Variants in DNMBP observed in about 807,000 individuals in gnomAD.
DNMBP encodes the protein dynamin-binding protein.
In DNMBP, 87 loss-of-function variants were observed where a neutral mutation model predicts 150.0. The observed-to-expected ratio is 0.58, with a 90% CI of 0.49 to 0.69. The LOEUF is 0.69. DNMBP is among the 30% of genes least tolerant of loss of function. The pLI, the probability that DNMBP is intolerant of heterozygous loss-of-function variation, is 0.00. For missense variants in DNMBP, 1,774 were observed against 1,949.0 expected (o/e 0.91, Z 1.69); for synonymous variants, 711 against 750.4 (o/e 0.95, Z 0.86).
In DNMBP at chr10:100,002,986, C is replaced by G. The variant is rs1007065635; in HGVS notation, c.-11+6852G>C. 8.5e-5 allele frequency among the ~76,000 whole-genome samples: 13 copies of G among 152,262 alleles called. No individual in the cohort carries two copies. In the South Asian group the frequency reaches 2.5e-3, roughly 29 times the overall value. The stretch of plus-strand genomic sequence containing the variant: ...AAGACAAAGATGCCCGTTAGTGTAG[C>G]AGCTGTTTTGACACAGTTCTAGTAG... On this transcript the variant is annotated intron_variant, in intron 1 of 16. Transcript: ENST00000324109.
At chr10:99,979,200 G>GT (rs2040759787) in intron 1 of DNMBP, among the ~76,000 whole-genome samples, 1 of 152,088 alleles carries the variant, frequency 6.6e-6, no homozygotes, top group Admixed American at 6.6e-5. Context: ...AACATTCTAG[G>GT]TATTTATTCT....
intron 1 of DNMBP, among the ~76,000 whole-genome samples, chr10:99,993,672 T>G (rs2040921635): frequency 6.6e-6 from 1 of 152,218 alleles, no homozygotes; most frequent in East Asian, 1.9e-4. Flanking sequence ...CATGCTGGTG[T>G]GCACCTGTAG....
chr10:99,922,661 G>A (rs1308210017), intron 4 of DNMBP, among the ~76,000 whole-genome samples: 1 of 151,860 alleles, frequency 6.6e-6, no homozygotes, highest in Non-Finnish European at 1.5e-5. Flanking sequence ...GGGACCACAG[G>A]CACGCACCAC....
At chr10:99,914,424 T>G (rs575416710) in intron 4 of DNMBP, among the ~76,000 whole-genome samples, 45 of 152,286 alleles carry the variant, frequency 3.0e-4, no homozygotes, top group African/African-American at 1.0e-3. Flanking sequence ...GAGGCAAAAC[T>G]GTGAAGTGGG....
intron 6 of DNMBP, among the ~76,000 whole-genome samples, chr10:99,905,592 T>C (rs1564726644): frequency 6.6e-6 from 1 of 151,812 alleles, no homozygotes; most frequent in Non-Finnish European, 1.5e-5. Context: ...GAGGCTGAGG[T>C]GGGAGGATCA....
chr10:99,902,408 C>T (rs1006304121), intron 6 of DNMBP, among the ~76,000 whole-genome samples: 6 of 137,910 alleles, frequency 4.4e-5, no homozygotes, highest in Admixed American at 8.2e-5. Context: ...CTCCTGAGTT[C>T]AAGTGATTCT....
intron 4 of DNMBP, among the ~76,000 whole-genome samples, chr10:99,920,223 G>A (rs777684310): frequency 1.2e-4 from 18 of 151,820 alleles, no homozygotes; most frequent in East Asian, 1.9e-4. Context: ...TTACAGGCAC[G>A]CGCCACCACG....
At position 99,913,960 on chromosome 10, in the gene DNMBP, G is replaced by T. The variant is rs774482017; in HGVS notation, c.2261-4814C>A. 26 of 1,432,332 alleles carry T rather than the reference G, an allele frequency of 1.8e-5. No homozygotes were observed. In the African/African-American group the frequency reaches 3.4e-4, roughly 19 times the overall value. The allele number at this position is 1,432,332 out of a possible 1,614,324, so 88.7% of individuals were successfully genotyped here. On this transcript the variant is annotated intron_variant, in intron 4 of 16. Transcript: ENST00000324109. The stretch of plus-strand genomic sequence containing the variant: ...CCACACCCCAGGACCTACCTGCAGT[G>T]CCCAGAGCTGGCTGTGTGTGGAGGT...
At chr10:99,975,955 T>C (rs1479374737) in intron 1 of DNMBP, among the ~76,000 whole-genome samples, 1 of 152,196 alleles carries the variant, frequency 6.6e-6, no homozygotes, top group African/African-American at 2.4e-5. Context: ...GACCCTATCA[T>C]ATGTTATTGG....
chr10:99,943,412 T>TTTG (rs1564740747), intron 4 of DNMBP, among the ~76,000 whole-genome samples: 1 of 147,978 alleles, frequency 6.8e-6, no homozygotes, highest in East Asian at 2.0e-4. Flanking sequence ...TTGTTTGTTT[T>TTTG]TTTGAGACAG....
chr10:99,915,108 A>AAAAAAAAAAAAAT (rs10654940), intron 4 of DNMBP, among the ~76,000 whole-genome samples: 2 of 99,804 alleles, frequency 2.0e-5, no homozygotes, highest in Admixed American at 1.3e-4. Context: ...AAAAAAAAAA[A>AAAAAAAAAAAAAT]ATATATATAT....
intron 3 of DNMBP, among the ~76,000 whole-genome samples, chr10:99,960,324 T>C (rs769599503): frequency 6.6e-6 from 1 of 152,168 alleles, no homozygotes; most frequent in Admixed American, 6.6e-5. Flanking sequence ...TTACCTATAC[T>C]TTTATAGTTA....
At chr10:99,945,877 A>C (rs940225110) in intron 4 of DNMBP, among the ~76,000 whole-genome samples, 4 of 152,244 alleles carry the variant, frequency 2.6e-5, no homozygotes, top group African/African-American at 9.6e-5. Flanking sequence ...GAAGAAGCAG[A>C]AAAAATGTTT....
At chr10:100,001,504 C>T (rs534750337) in intron 1 of DNMBP, among the ~76,000 whole-genome samples, 4 of 149,404 alleles carry the variant, frequency 2.7e-5, no homozygotes, top group South Asian at 2.1e-4. Context: ...CTCCACCTCC[C>T]AGGTTCAAGC....
chr10:99,898,048 A>AG, intron 9 of DNMBP, 38 bp downstream of exon 9: 1 of 1,566,254 alleles, frequency 6.4e-7, no homozygotes, highest in Non-Finnish European at 8.8e-7. Context: ...GCATTCTCAA[A>AG]GGGCATACCT....
At chr10:99,900,151 T>C in intron 6 of DNMBP, 85 bp from the exon 7 acceptor site, 1 of 1,403,784 alleles carries the variant, frequency 7.1e-7, no homozygotes, top group South Asian at 1.3e-5. Flanking sequence ...CAAACTTTAG[T>C]ACCAGCTAAA....
intron 1 of DNMBP, among the ~76,000 whole-genome samples, chr10:99,974,197 C>T (rs2040705117): frequency 6.6e-6 from 1 of 152,152 alleles, no homozygotes; most frequent in Admixed American, 6.5e-5. Context: ...ATGGCACCTC[C>T]AGACAAGATT....
At chr10:99,979,141 A>G (rs116619043) in intron 1 of DNMBP, among the ~76,000 whole-genome samples, 1,938 of 152,314 alleles carry the variant, frequency 0.013, 44 homozygotes, top group African/African-American at 0.043. Context: ...TATGCAAACT[A>G]AAAATCTGGC....
chr10:99,938,650 TA>T (rs1175123840), intron 4 of DNMBP, among the ~76,000 whole-genome samples: 3 of 152,214 alleles, frequency 2.0e-5, no homozygotes, highest in Non-Finnish European at 2.9e-5. Flanking sequence ...TTTAGGACTT[TA>T]AAGATAAGCA....
Sources: allele counts gnomAD v4.1 joint callset (sites outside exome capture counted in the v4.1 genomes callset), GRCh38; gene constraint gnomAD v4.1.1; transcripts MANE v1.5; gene names NCBI Gene and HGNC (gene_info 2026-07-23, HGNC 2026-07-21).